DOCK1: variants seen among roughly 807,000 people sequenced by gnomAD.
DOCK1 encodes the protein dedicator of cytokinesis protein 1.
In DOCK1, 138 loss-of-function variants were observed where a neutral mutation model predicts 262.7. The observed-to-expected ratio is 0.53, with a 90% CI of 0.46 to 0.61. The LOEUF (loss-of-function observed/expected upper bound fraction) is 0.61. DOCK1 is among the 20% of genes least tolerant of loss of function. DOCK1 has a pLI of 0.00. For missense variants in DOCK1, 1,908 were observed against 2,370.7 expected (o/e 0.80, Z 4.05); for synonymous variants, 866 against 867.4 (o/e 1.00, Z 0.03).
At position 127,433,393 on chromosome 10, in the gene DOCK1, A is replaced by G. The variant is rs373895118; in HGVS notation, c.5025A>G (p.Ser1675=). ...PLSVASVSSL[S]SDSTPSRPGS... is the part of the protein sequence containing the mutation. ...CTGTGGCCTCTGTCTCTTCCCTCTC[A>G]TCGGACAGCACCCCTTCCAGACCAG... The change falls in exon 48 of 52, where the codon TCA becomes TCG. Residue 1675 remains serine (S), a synonymous_variant. Coordinates refer to ENST00000623213, the MANE Select transcript of DOCK1 (RefSeq NM_001290223.2). 441 of 1,613,786 alleles carry G rather than the reference A, an allele frequency of 2.7e-4. No homozygotes were observed. The African/African-American group carries it at 5.5e-3, about 20-fold the overall frequency.
chr10:127,417,330 C>T (rs2068218565), intron 44 of DOCK1, among the ~76,000 whole-genome samples: 1 of 152,176 alleles, frequency 6.6e-6, no homozygotes, highest in Non-Finnish European at 1.5e-5. Context: ...TGCCCTGGCA[C>T]CTTAGGGCTG....
At chr10:126,980,941 C>G (rs1056905796) in intron 3 of DOCK1, among the ~76,000 whole-genome samples, 1 of 151,168 alleles carries the variant, frequency 6.6e-6, no homozygotes, top group Admixed American at 6.6e-5. Context: ...AAGCAGGACC[C>G]TACGTTTTTT....
intron 40 of DOCK1, among the ~76,000 whole-genome samples, chr10:127,406,537 G>A (rs2067524771): frequency 6.6e-6 from 1 of 152,180 alleles, no homozygotes. Flanking sequence ...AATGACACTG[G>A]CAGTTACCAA....
chr10:126,975,247 G>A (rs1275137448), intron 2 of DOCK1, among the ~76,000 whole-genome samples: 2 of 152,094 alleles, frequency 1.3e-5, no homozygotes, highest in Non-Finnish European at 2.9e-5. Flanking sequence ...GCCTCCCCGG[G>A]TATGAGCACT....
intron 6 of DOCK1, among the ~76,000 whole-genome samples, chr10:126,993,429 C>A (rs2135044224): frequency 6.6e-6 from 1 of 152,320 alleles, no homozygotes; most frequent in African/African-American, 2.4e-5. Flanking sequence ...TTGACCCCAC[C>A]CACACCAGCA....
In DOCK1 at chr10:127,437,426, A is replaced by G. The variant is rs2069764583; in HGVS notation, c.5061-1601A>G. On this transcript the variant is annotated intron_variant, in intron 48 of 51. Coordinates refer to ENST00000623213, the MANE Select transcript of DOCK1 (RefSeq NM_001290223.2). The surrounding 1 kb of genome is among the most constrained non-coding windows in gnomAD (Gnocchi z 4.4). ...CCCATTATGGGACACACAACATGGA[A>G]ATAATCAACAGTGAGCAAATCAATG... Among the ~76,000 whole-genome samples, 1 of 152,070 alleles carries G rather than the reference A, an allele frequency of 6.6e-6. No homozygotes were observed. Among genetic ancestry groups the G allele is most frequent in the Non-Finnish European group, 1.5e-5 (1 of 68,038 alleles).
intron 27 of DOCK1, among the ~76,000 whole-genome samples, chr10:127,160,738 A>G (rs747024326): frequency 7.9e-5 from 12 of 152,216 alleles, no homozygotes; most frequent in Non-Finnish European, 1.8e-4. Context: ...TTGCAGATAT[A>G]AAAAAGGCAT....
intron 12 of DOCK1, chr10:127,015,202 A>G (rs979498756): frequency 6.6e-6 from 1 of 152,188 alleles, no homozygotes; most frequent in East Asian, 1.9e-4. Flanking sequence ...TATTTAAAAA[A>G]AAAAAGGAAA....
chr10:127,279,344 C>A (rs2060859773), intron 29 of DOCK1, among the ~76,000 whole-genome samples: 1 of 152,124 alleles, frequency 6.6e-6, no homozygotes. Context: ...GTCATATGAT[C>A]TTTATTTTTC....
chr10:127,276,986 C>T (rs573995751), intron 29 of DOCK1, among the ~76,000 whole-genome samples: 5 of 152,210 alleles, frequency 3.3e-5, no homozygotes, highest in South Asian at 2.1e-4. Flanking sequence ...TTACTGATCA[C>T]GTTGATGTGG....
rs752691623 is a variant in DOCK1, at chr10:127,089,361, C to T, written c.2446-16870C>T. Among the ~76,000 whole-genome samples, 125 of 152,156 alleles carry T rather than the reference C, an allele frequency of 8.2e-4. 1 individual carries two copies. Among genetic ancestry groups the T allele is most frequent in the Admixed American group, 5.2e-4 (8 of 15,288 alleles). ...GGAGGCCCCCACATCTGGATTCAGA[C>T]CCCCTACCCCTCGGGCCTCTTGCGC... On this transcript the variant is annotated intron_variant, in intron 23 of 51. Coordinates refer to ENST00000623213, the MANE Select transcript of DOCK1 (RefSeq NM_001290223.2).
intron 24 of DOCK1, among the ~76,000 whole-genome samples, chr10:127,109,875 G>T (rs1229336388): frequency 6.6e-6 from 1 of 152,046 alleles, no homozygotes; most frequent in Non-Finnish European, 1.5e-5. Flanking sequence ...CGGGGAGGTG[G>T]TATATGCCTG....
chr10:127,214,016 AT>A (rs999499020), intron 27 of DOCK1, among the ~76,000 whole-genome samples: 1 of 151,356 alleles, frequency 6.6e-6, no homozygotes, highest in East Asian at 1.9e-4. Context: ...ATTTTTTTGT[AT>A]TTTTTTTCTT....
Position 127,214,718 on chromosome 10 carries a change from C to A in DOCK1, c.2848-33290C>A, listed in dbSNP as rs377390989. On this transcript the variant is annotated intron_variant, in intron 27 of 51. Transcript: ENST00000623213. The stretch of plus-strand genomic sequence containing the variant: ...CACACCCCGGGGTAGGATTGCCAGG[C>A]CAACAGGTCCTTAAGGCAGATGATT... Among the ~76,000 whole-genome samples, 88 of 152,184 alleles carry A rather than the reference C, an allele frequency of 5.8e-4. 2 individuals are homozygous for A. The South Asian group carries it at 0.016, about 28-fold the overall frequency.
At chr10:126,929,110 A>G (rs2033991704) in intron 1 of DOCK1, among the ~76,000 whole-genome samples, 1 of 152,180 alleles carries the variant, frequency 6.6e-6, no homozygotes, top group Admixed American at 6.5e-5. Flanking sequence ...GCTTATTTGC[A>G]TTGGAATTGA....
intron 29 of DOCK1, among the ~76,000 whole-genome samples, chr10:127,258,603 C>T (rs992453120): frequency 1.3e-5 from 2 of 152,218 alleles, no homozygotes; most frequent in Admixed American, 1.3e-4. Flanking sequence ...CTGCCACCAG[C>T]CTTCGTGCAT....
chr10:126,917,043 C>G (rs1000811308), intron 1 of DOCK1, among the ~76,000 whole-genome samples: 1 of 146,940 alleles, frequency 6.8e-6, no homozygotes, highest in African/African-American at 2.6e-5. Context: ...GGGAGCTGTG[C>G]GAGGCCAGCG....
intron 23 of DOCK1, among the ~76,000 whole-genome samples, chr10:127,088,425 G>A (rs573425999): frequency 4.6e-5 from 7 of 152,084 alleles, no homozygotes; most frequent in African/African-American, 1.7e-4. Flanking sequence ...CTGCCTAGTG[G>A]TTATGTGCAT....
chr10:127,451,356 A>G lies in DOCK1; in HGVS notation c.5590A>G (p.Lys1864Glu). ...QRHLPPPLPS[K>E]TPPPPPPKTT... ...GCATCTGCCACCTCCACTGCCCAGC[A>G]AAACTCCGCCTCCTCCCCCTCCAAA... Residue 1864 changes from lysine to glutamate, a missense_variant, in exon 52 of 52, where the codon AAA becomes GAA. Physicochemically the swap from Lys to Glu is moderately conservative, Grantham distance 56 (BLOSUM62 1). Coordinates refer to ENST00000623213, the MANE Select transcript of DOCK1 (RefSeq NM_001290223.2). 3.1e-6 allele frequency: 5 copies of G among 1,600,404 alleles called. No homozygotes were observed. The highest frequency in any genetic ancestry group is 4.3e-6 in the Non-Finnish European group (5 of 1,173,602).
Sources: allele counts gnomAD v4.1 joint callset (sites outside exome capture counted in the v4.1 genomes callset), GRCh38; gene constraint gnomAD v4.1.1; non-coding constraint Gnocchi (gnomAD v3.1); transcripts MANE v1.5; gene names NCBI Gene and HGNC (gene_info 2026-07-23, HGNC 2026-07-21).